Variants in RALYL observed in about 807,000 individuals in gnomAD.
RALYL encodes the protein RALY RNA binding protein like.
RALYL carries 29 observed loss-of-function variants against 35.1 expected under a neutral mutation model. The ratio of observed to expected loss-of-function variants is 0.83; its 90% CI spans 0.61 to 1.13. The LOEUF is 1.13. Among genes scored for constraint, RALYL ranks in the 50% most tolerant of loss-of-function variants. The pLI, the probability that RALYL is intolerant of heterozygous loss-of-function variation, is 0.00. For missense variants in RALYL, 359 were observed against 360.4 expected (o/e 1.00, Z 0.03); for synonymous variants, 120 against 127.6 (o/e 0.94, Z 0.40).
chr8:84,389,927 T>G (rs1860218426), intron 1 of RALYL, among the ~76,000 whole-genome samples: 1 of 151,654 alleles, frequency 6.6e-6, no homozygotes, highest in South Asian at 2.1e-4. Flanking sequence ...GTGCCAGTTT[T>G]CAAAGGGAAT....
intron 8 of RALYL, among the ~76,000 whole-genome samples, chr8:84,919,036 T>C (rs1328318959): frequency 1.3e-5 from 2 of 152,036 alleles, no homozygotes; most frequent in African/African-American, 4.8e-5. Flanking sequence ...ACATAGTTGC[T>C]AAACAGTCAT....
chr8:84,623,864 C>T (rs1395401150), intron 2 of RALYL, among the ~76,000 whole-genome samples: 2 of 152,120 alleles, frequency 1.3e-5, no homozygotes, highest in Non-Finnish European at 2.9e-5. Flanking sequence ...GGATTTGTTT[C>T]AACAGGAAGG....
chr8:84,282,747 CGTGTGTGTGTGTGT>C (rs5892909), intron 1 of RALYL, among the ~76,000 whole-genome samples: 15 of 148,784 alleles, frequency 1.0e-4, no homozygotes, highest in East Asian at 3.9e-4. Flanking sequence ...TATGTGTATG[CGTGTGTGTGTGTGT>C]GTGTGTGTGT....
At chr8:84,496,996 T>C (rs961315288) in intron 1 of RALYL, among the ~76,000 whole-genome samples, 3 of 152,160 alleles carry the variant, frequency 2.0e-5, no homozygotes, top group Admixed American at 6.5e-5. Flanking sequence ...AGAGCCCAAG[T>C]ATGTTTTTTA....
At chr8:84,489,630 G>A (rs920962863) in intron 1 of RALYL, among the ~76,000 whole-genome samples, 1 of 152,032 alleles carries the variant, frequency 6.6e-6, no homozygotes, top group African/African-American at 2.4e-5. Flanking sequence ...GTAACAGAGA[G>A]TGCTATGGGA....
chr8:84,899,355 G>T (rs987332858), intron 8 of RALYL, among the ~76,000 whole-genome samples: 3 of 150,486 alleles, frequency 2.0e-5, no homozygotes, highest in African/African-American at 7.3e-5. Context: ...CATTTCTCGG[G>T]GGTTATTTCA....
chr8:84,619,775 T>G (rs1820844748), intron 2 of RALYL, among the ~76,000 whole-genome samples: 1 of 151,716 alleles, frequency 6.6e-6, no homozygotes, highest in Non-Finnish European at 1.5e-5. Flanking sequence ...AGGAGCTCTT[T>G]TAGGGCAGGC....
chr8:84,717,853 A>T (rs1015364918), intron 2 of RALYL, among the ~76,000 whole-genome samples: 1 of 152,144 alleles, frequency 6.6e-6, no homozygotes, highest in Non-Finnish European at 1.5e-5. Context: ...GGCATTTTTT[A>T]TACCTTGCTG....
chr8:84,336,381 A>G (rs1847809911), intron 1 of RALYL, among the ~76,000 whole-genome samples: 2 of 152,094 alleles, frequency 1.3e-5, no homozygotes, highest in Middle Eastern at 3.4e-3. Context: ...CTTTCTTCCA[A>G]TGTCCTCACT....
intron 5 of RALYL, among the ~76,000 whole-genome samples, chr8:84,857,217 G>A (rs1837243142): frequency 6.6e-6 from 1 of 152,096 alleles, no homozygotes; most frequent in Admixed American, 6.5e-5. Context: ...TGGTCCTCTG[G>A]TTATTGATCT....
intron 2 of RALYL, among the ~76,000 whole-genome samples, chr8:84,638,277 CA>C (rs201006453): frequency 0.013 from 1,957 of 152,002 alleles, 44 homozygotes; most frequent in African/African-American, 0.045. Flanking sequence ...AATAGTGACA[CA>C]ACCTATCAAA....
intron 2 of RALYL, among the ~76,000 whole-genome samples, chr8:84,712,488 T>G (rs939122149): frequency 6.6e-6 from 1 of 152,168 alleles, no homozygotes; most frequent in African/African-American, 2.4e-5. Flanking sequence ...AAAAATCTGA[T>G]GATATTCATG....
chr8:84,848,920 T>TG (rs1163124758), intron 4 of RALYL, among the ~76,000 whole-genome samples: 3 of 152,154 alleles, frequency 2.0e-5, no homozygotes, highest in African/African-American at 7.2e-5. Context: ...TGGGGAGTGT[T>TG]GCGAGATGTT....
chr8:84,700,091 A>G (rs1839927159), intron 2 of RALYL, among the ~76,000 whole-genome samples: 2 of 152,182 alleles, frequency 1.3e-5, no homozygotes, highest in African/African-American at 4.8e-5. Flanking sequence ...TGAGAAAATC[A>G]GGCAACCAAG....
intron 2 of RALYL, among the ~76,000 whole-genome samples, chr8:84,544,241 A>G (rs2060208538): frequency 6.6e-6 from 1 of 151,934 alleles, no homozygotes; most frequent in African/African-American, 2.4e-5. Context: ...TGATACTTAC[A>G]CGATTCCAAA....
intron 1 of RALYL, among the ~76,000 whole-genome samples, chr8:84,340,298 C>T (rs1848574652): frequency 6.6e-6 from 1 of 152,064 alleles, no homozygotes; most frequent in African/African-American, 2.4e-5. Context: ...AGTAAGAACA[C>T]AGTGTAAGAT....
intron 4 of RALYL, among the ~76,000 whole-genome samples, chr8:84,821,148 CTTGA>C (rs1438426705): frequency 6.6e-6 from 1 of 152,108 alleles, no homozygotes; most frequent in Non-Finnish European, 1.5e-5. Flanking sequence ...TTAAATAATA[CTTGA>C]TTATCTAAAT....
intron 2 of RALYL, among the ~76,000 whole-genome samples, chr8:84,608,259 T>A (rs1817583410): frequency 6.6e-6 from 1 of 152,070 alleles, no homozygotes; most frequent in Non-Finnish European, 1.5e-5. Flanking sequence ...GGTAAACTGT[T>A]GGTGGATGTT....
In RALYL at chr8:84,264,449, GTTTT is replaced by G. The variant is rs373596991; in HGVS notation, c.-24+80040_-24+80043del. ...TGTGTCCGTTGCCCACTTTTTAATG[GTTTT>G]TTTTTTTTTTTTTTGTAAATTTGTT... On this transcript the variant is annotated intron_variant, in intron 1 of 8. Transcript: ENST00000521268. Among the ~76,000 whole-genome samples, 12 of 121,284 alleles carry G rather than the reference GTTTT, an allele frequency of 9.9e-5. No homozygotes were observed. In the East Asian group the frequency reaches 2.7e-3, roughly 27 times the overall value. 79.6% of individuals were successfully genotyped at this position (121,284 alleles called of 152,430 possible). A position where few individuals can be genotyped will look rare whatever the true frequency, so the allele number is the denominator to read the frequency against.
Sources: gnomAD v4.1 joint callset for allele counts (sites outside exome capture counted in the v4.1 genomes callset) on GRCh38, gnomAD v4.1.1 for gene constraint, MANE v1.5 for transcripts, NCBI Gene and HGNC (gene_info 2026-07-23, HGNC 2026-07-21) for gene names.